Variants in PCDHGB2 observed in about 807,000 individuals in gnomAD.
The protein encoded by PCDHGB2 is protocadherin gamma subfamily B, 2.
A neutral mutation model predicts 59.3 loss-of-function variants in PCDHGB2; 55 were observed. That is an observed-to-expected ratio of 0.93 (90% CI 0.75 to 1.16). The LOEUF (loss-of-function observed/expected upper bound fraction) is 1.16. Ranked by LOEUF, PCDHGB2 falls within the 50% of genes most tolerant of loss-of-function variation. The probability of loss-of-function intolerance (pLI) is 0.00; values close to 1 mark genes in which losing one functional copy is unlikely to be tolerated. For missense variants in PCDHGB2, 1,228 were observed against 1,198.5 expected (o/e 1.02, Z -0.36); for synonymous variants, 516 against 512.0 (o/e 1.01, Z -0.11).
Position 141,422,925 on chromosome 5 carries a change from T to C in PCDHGB2, c.2421+60369T>C, listed in dbSNP as rs568894245. ...ACAATGCGCCCGAGATCCTGTACCC[T>C]GCCCTCCCCACAGACGGCTCCACTG... On this transcript the variant is annotated intron_variant, in intron 1 of 3. Transcript: ENST00000522605. 1.4e-4 allele frequency: 220 copies of C among 1,614,202 alleles called. 2 individuals are homozygous for C. The South Asian group carries it at 2.2e-3, about 16-fold the overall frequency.
At chr5:141,436,074 G>A (rs1048063491) in intron 1 of PCDHGB2, among the ~76,000 whole-genome samples, 3 of 152,058 alleles carry the variant, frequency 2.0e-5, no homozygotes, top group Non-Finnish European at 4.4e-5. Context: ...TAAGTACAGT[G>A]TTCTATAGGT....
chr5:141,464,180 G>T (rs1251683320), intron 1 of PCDHGB2, among the ~76,000 whole-genome samples: 1 of 151,340 alleles, frequency 6.6e-6, no homozygotes, highest in Non-Finnish European at 1.5e-5. Flanking sequence ...CAGGAGAATT[G>T]CTTGATTTCA....
Position 141,485,790 on chromosome 5 carries a change from C to G in PCDHGB2, c.2422-9017C>G. 6.2e-7 allele frequency: 1 copy of G among 1,614,204 alleles called. No homozygotes were observed. The highest frequency in any genetic ancestry group is 8.5e-7 in the Non-Finnish European group (1 of 1,180,032). ...AAGCCTTTGGATCGAGAGAAGCAAT[C>G]GGACTACCGCCTGGTGCTGACTGCT... On this transcript the variant is annotated intron_variant, in intron 1 of 3. Transcript: ENST00000522605. This position sits in a 1 kb window ranked among gnomAD's most constrained non-coding sequence, Gnocchi z 5.7.
chr5:141,479,845 A>T (rs895639749), intron 1 of PCDHGB2, among the ~76,000 whole-genome samples: 4 of 152,210 alleles, frequency 2.6e-5, no homozygotes, highest in Admixed American at 1.3e-4. Flanking sequence ...ATGCAAGGTG[A>T]CTGCAAGGCC....
At position 141,487,603 on chromosome 5, in the gene PCDHGB2, C is replaced by T; in HGVS notation, c.2422-7204C>T. The stretch of plus-strand genomic sequence containing the variant: ...CAAGCTGCCCACCCTCTGATCTTCT[C>T]TATGGGCTAGAGGTGAGACCTTTGC... On this transcript the variant is annotated intron_variant, in intron 1 of 3. Transcript: ENST00000522605. This position sits in a 1 kb window ranked among gnomAD's most constrained non-coding sequence, Gnocchi z 5.0. 1.2e-6 allele frequency: 2 copies of T among 1,614,214 alleles called. No individual in the cohort carries two copies. Among genetic ancestry groups the T allele is most frequent in the Non-Finnish European group, 1.7e-6 (2 of 1,180,042 alleles).
intron 1 of PCDHGB2, chr5:141,364,536 G>A (rs759992552): frequency 6.2e-7 from 1 of 1,614,006 alleles, no homozygotes; most frequent in Non-Finnish European, 8.5e-7. Context: ...ATCGTCTCCA[G>A]AGGTAGGACG....
At chr5:141,507,017 C>CACTT (rs763489200) in intron 3 of PCDHGB2, 1 of 152,206 alleles carries the variant, frequency 6.6e-6, no homozygotes, top group Non-Finnish European at 1.5e-5. Flanking sequence ...ACCGAGAAGG[C>CACTT]ACTTGCCCCA....
At position 141,418,595 on chromosome 5, in the gene PCDHGB2, G is replaced by A. The variant is rs1331897624; in HGVS notation, c.2421+56039G>A. The A allele has an allele frequency of 2.5e-6, 4 of 1,613,928 alleles. No individual in the cohort carries two copies. Among genetic ancestry groups the A allele is most frequent in the Admixed American group, 3.3e-5 (2 of 60,006 alleles). On this transcript the variant is annotated intron_variant, in intron 1 of 3. Transcript: ENST00000522605. ...CAACCCCCCAGTGTTCAGCCAGGAC[G>A]TGTACAGGGTTAGCCTTCGGGAAGA...
At chr5:141,364,904 C>A (rs748515825) in intron 1 of PCDHGB2, 1 of 1,613,994 alleles carries the variant, frequency 6.2e-7, no homozygotes, top group South Asian at 1.1e-5. Flanking sequence ...ACAAAAGTAT[C>A]CGGAGCTGGT....
intron 1 of PCDHGB2, chr5:141,420,053 T>C (rs1178680836): frequency 3.1e-6 from 5 of 1,613,970 alleles, no homozygotes; most frequent in Non-Finnish European, 2.5e-6. Context: ...GTCAGTTCTC[T>C]GCTCCAAGTC....
rs1042973261 is a variant in PCDHGB2 at position 141,491,547 on chromosome 5, G to T, written c.2422-3260G>T. ...AGGTGACGCTGCGGCCCACAGACTC[G>T]CAGAGCCACTGCTACAGGACGTGCT... On this transcript the variant is annotated intron_variant, in intron 1 of 3. Transcript: ENST00000522605. The surrounding 1 kb of genome is among the most constrained non-coding windows in gnomAD (Gnocchi z 6.9). 6.8e-6 allele frequency: 11 copies of T among 1,613,856 alleles called. No homozygotes were observed. Among genetic ancestry groups the T allele is most frequent in the Middle Eastern group, 1.6e-4 (1 of 6,084 alleles).
chr5:141,375,816 C>G, intron 1 of PCDHGB2: 2 of 1,614,194 alleles, frequency 1.2e-6, no homozygotes, highest in South Asian at 2.2e-5. Flanking sequence ...GTGGAGCTGG[C>G]GCCCCGCTCC....
chr5:141,432,918 A>C lies in PCDHGB2; in HGVS notation c.2422-61889A>C. ...CTGGCGCTCAGGCTGCGGCGCTGGC[A>C]CAAGTCACGCCTGCTGCAGGCTTCA... On this transcript the variant is annotated intron_variant, in intron 1 of 3. Coordinates refer to ENST00000522605, the MANE Select transcript of PCDHGB2 (RefSeq NM_018923.3). This position sits in a 1 kb window ranked among gnomAD's most constrained non-coding sequence, Gnocchi z 6.0. 1 of 1,614,128 alleles carries C rather than the reference A, an allele frequency of 6.2e-7. No homozygotes were observed. Among genetic ancestry groups the C allele is most frequent in the South Asian group, 1.1e-5 (1 of 91,082 alleles).
chr5:141,489,268 G>C lies in PCDHGB2; in HGVS notation c.2422-5539G>C. 6.4e-7 allele frequency: 1 copy of C among 1,553,286 alleles called. No individual in the cohort carries two copies. The highest frequency in any genetic ancestry group is 8.7e-7 in the Non-Finnish European group (1 of 1,149,780). ...GGGGCCCAAGACACTCCCACAGCTC[G>C]CTGGGAAATGGCAAGTGCTGTGCAT... On this transcript the variant is annotated intron_variant, in intron 1 of 3. Transcript: ENST00000522605. The surrounding 1 kb of genome is among the most constrained non-coding windows in gnomAD (Gnocchi z 4.5).
At chr5:141,451,597 C>CAAGG (rs1434393705) in intron 1 of PCDHGB2, among the ~76,000 whole-genome samples, 3 of 152,076 alleles carry the variant, frequency 2.0e-5, no homozygotes, top group Non-Finnish European at 2.9e-5. Flanking sequence ...AAGTGACATA[C>CAAGG]AAGGCTAGGC....
chr5:141,481,913 CAAAAAA>C (rs34114744), intron 1 of PCDHGB2, among the ~76,000 whole-genome samples: 1 of 90,850 alleles, frequency 1.1e-5, no homozygotes. Flanking sequence ...AACTCCATCT[CAAAAAA>C]AAAAAAAAAA....
intron 1 of PCDHGB2, chr5:141,430,525 G>C (rs1354801907): frequency 3.3e-5 from 12 of 365,842 alleles, no homozygotes; most frequent in Admixed American, 1.3e-4. Context: ...GCAGTAATTG[G>C]TTAGGACTCT....
intron 1 of PCDHGB2, chr5:141,410,254 C>T: frequency 3.1e-6 from 5 of 1,614,020 alleles, no homozygotes; most frequent in Non-Finnish European, 3.4e-6. Flanking sequence ...TCTCTGACCC[C>T]CAGGCTGAAC....
rs369787624 is a variant in PCDHGB2, at chr5:141,360,455, A to C, written c.320A>C (p.Asp107Ala). 1 of 1,613,862 alleles carries C rather than the reference A, an allele frequency of 6.2e-7. No homozygotes were observed. The highest frequency in any genetic ancestry group is 8.5e-7 in the Non-Finnish European group (1 of 1,179,882). ...GKQPLCVLDFDTVAENPLNIF... is the reference protein window; with the variant it reads ...GKQPLCVLDFATVAENPLNIF... ...CAGCCTCTGTGTGTTCTGGATTTCG[A>C]TACTGTCGCTGAAAATCCACTAAAT... The change falls in exon 1 of 4, where the codon GAT (aspartate) becomes GCT (alanine). Residue 107 changes from aspartate (D) to alanine (A), a missense_variant. Transcript: ENST00000522605.
Sources: allele counts gnomAD v4.1 joint callset (sites outside exome capture counted in the v4.1 genomes callset), GRCh38; gene constraint gnomAD v4.1.1; non-coding constraint Gnocchi (gnomAD v3.1); transcripts MANE v1.5; gene names NCBI Gene and HGNC (gene_info 2026-07-23, HGNC 2026-07-21).